SYT1: variants seen among roughly 807,000 people sequenced by gnomAD.
SYT1 encodes the protein synaptotagmin 1.
In SYT1, 8 loss-of-function variants were observed where a neutral mutation model predicts 44.8. The ratio of observed to expected loss-of-function variants is 0.18; its 90% CI spans 0.10 to 0.32. SYT1 has a LOEUF of 0.32. SYT1 is among the 10% of genes least tolerant of loss of function. The probability of loss-of-function intolerance (pLI) is 1.00; values close to 1 mark genes in which losing one functional copy is unlikely to be tolerated. For missense variants in SYT1, 286 were observed against 509.3 expected, an observed-to-expected ratio of 0.56 and a Z score of 4.22; for synonymous variants, 154 against 188.8, an observed-to-expected ratio of 0.82 and a Z score of 1.51.
chr12:78,894,461 A>C (rs1875243543), intron 1 of SYT1, among the ~76,000 whole-genome samples: 1 of 150,046 alleles, frequency 6.7e-6, no homozygotes, highest in East Asian at 2.0e-4. Flanking sequence ...TGTGTAACAT[A>C]CACAAAAAAA....
chr12:79,038,527 A>T (rs142974391), intron 2 of SYT1, among the ~76,000 whole-genome samples: 2 of 151,918 alleles, frequency 1.3e-5, no homozygotes, highest in East Asian at 3.9e-4. Flanking sequence ...TGTTCCAATA[A>T]TAAGAATTTA....
intron 8 of SYT1, among the ~76,000 whole-genome samples, chr12:79,351,971 C>CA (rs1461742686): frequency 1.3e-5 from 2 of 151,942 alleles, no homozygotes; most frequent in African/African-American, 4.8e-5. Context: ...GAGACAAAAA[C>CA]AGAGTTCTTG....
intron 5 of SYT1, 45 bp downstream of exon 5, chr12:79,286,016 A>G (rs775309172): frequency 3.9e-6 from 6 of 1,549,720 alleles, no homozygotes; most frequent in South Asian, 3.7e-5. Context: ...TTTAAAAAAG[A>G]TAAACAAATG....
intron 4 of SYT1, among the ~76,000 whole-genome samples, chr12:79,274,431 T>G (rs756996873): frequency 1.3e-5 from 2 of 152,258 alleles, no homozygotes; most frequent in Non-Finnish European, 2.9e-5. Flanking sequence ...CACTGTGGTC[T>G]GCTGCCCCTC....
chr12:79,439,946 C>A (rs1246125524), intron 9 of SYT1, among the ~76,000 whole-genome samples: 1 of 151,590 alleles, frequency 6.6e-6, no homozygotes, highest in East Asian at 1.9e-4. Context: ...GCCTTTCTGG[C>A]TGGGCACAAT....
rs73353549 is a variant in SYT1 at position 79,078,176 on chromosome 12, A to G, written c.-18+30814A>G. Among the ~76,000 whole-genome samples, 1,236 of 152,230 alleles carry G rather than the reference A, an allele frequency of 8.1e-3. 19 individuals carry two copies. Among genetic ancestry groups the G allele is most frequent in the African/African-American group, 0.028 (1,176 of 41,548 alleles). The stretch of plus-strand genomic sequence containing the variant: ...CCAGTTGTAATTTATCCTACTGACT[A>G]TCACTTGAGAGCCAGAGCAATGTTG... On this transcript the variant is annotated intron_variant, in intron 3 of 10. Coordinates refer to ENST00000261205, the MANE Select transcript of SYT1 (RefSeq NM_005639.3).
chr12:78,928,065 A>G (rs11608325), intron 1 of SYT1, among the ~76,000 whole-genome samples: 13,041 of 152,174 alleles, frequency 0.086, 643 homozygotes, highest in East Asian at 0.18. Context: ...ATTATAGGAT[A>G]GGGAGAGAGA....
chr12:79,088,799 G>A (rs954867751), intron 3 of SYT1, among the ~76,000 whole-genome samples: 4 of 150,752 alleles, frequency 2.7e-5, no homozygotes, highest in African/African-American at 4.9e-5. Flanking sequence ...TGTGTGAGGG[G>A]GCAGAGAGAA....
intron 9 of SYT1, among the ~76,000 whole-genome samples, chr12:79,391,645 T>A (rs1011837819): frequency 6.6e-6 from 1 of 152,112 alleles, no homozygotes; most frequent in Non-Finnish European, 1.5e-5. Context: ...AAAGAAGACA[T>A]TATCTTTTGT....
At chr12:78,888,583 A>G (rs1348935863) in intron 1 of SYT1, among the ~76,000 whole-genome samples, 1 of 151,962 alleles carries the variant, frequency 6.6e-6, no homozygotes. Context: ...AAATATTTCT[A>G]TGATAGTTAT....
At chr12:79,314,061 C>T (rs531529000) in intron 8 of SYT1, among the ~76,000 whole-genome samples, 1 of 146,270 alleles carries the variant, frequency 6.8e-6, no homozygotes. Context: ...CCCAGCTACT[C>T]GGGAGGCTGA....
intron 1 of SYT1, among the ~76,000 whole-genome samples, chr12:78,922,187 A>G (rs1877046201): frequency 6.6e-6 from 1 of 152,002 alleles, no homozygotes; most frequent in Admixed American, 6.6e-5. Flanking sequence ...GAACTGGAAT[A>G]TCTCTTACAC....
At chr12:79,243,532 G>A (rs1249110093) in intron 4 of SYT1, among the ~76,000 whole-genome samples, 1 of 152,168 alleles carries the variant, frequency 6.6e-6, no homozygotes, top group African/African-American at 2.4e-5. Flanking sequence ...AATTGCTAAA[G>A]CAATCGAAAT....
chr12:79,019,654 C>A (rs1423665773), intron 2 of SYT1, among the ~76,000 whole-genome samples: 1 of 151,852 alleles, frequency 6.6e-6, no homozygotes. Flanking sequence ...TGACATTGGA[C>A]TGGGAGGAGT....
chr12:78,941,965 C>A (rs527700975), intron 1 of SYT1, among the ~76,000 whole-genome samples: 110 of 152,316 alleles, frequency 7.2e-4, no homozygotes, highest in African/African-American at 2.6e-3. Context: ...CACACACATC[C>A]CAGCACTGTC....
At chr12:78,890,060 G>A (rs1235616632) in intron 1 of SYT1, among the ~76,000 whole-genome samples, 1 of 151,814 alleles carries the variant, frequency 6.6e-6, no homozygotes, top group Admixed American at 6.6e-5. Flanking sequence ...CAAATTTTAT[G>A]GCTAAAGAGA....
intron 8 of SYT1, among the ~76,000 whole-genome samples, chr12:79,327,717 C>T (rs918776570): frequency 2.6e-5 from 4 of 151,962 alleles, no homozygotes; most frequent in Non-Finnish European, 4.4e-5. Context: ...ACTTCATAGG[C>T]GATGAGGAAG....
chr12:79,329,816 C>A (rs1479423819), intron 8 of SYT1, among the ~76,000 whole-genome samples: 1 of 152,206 alleles, frequency 6.6e-6, no homozygotes, highest in Admixed American at 6.5e-5. Flanking sequence ...TACACTGTAT[C>A]CATTGACCTT....
chr12:79,382,593 G>T (rs996695981), intron 9 of SYT1, among the ~76,000 whole-genome samples: 1 of 151,952 alleles, frequency 6.6e-6, no homozygotes, highest in African/African-American at 2.4e-5. Flanking sequence ...AAAAAGAAAA[G>T]AAAAACTAAA....
Sources: allele counts gnomAD v4.1 joint callset (sites outside exome capture counted in the v4.1 genomes callset), GRCh38; gene constraint gnomAD v4.1.1; transcripts MANE v1.5; gene names NCBI Gene and HGNC (gene_info 2026-07-23, HGNC 2026-07-21).